Variants in CYP39A1 observed in about 807,000 individuals in gnomAD.
CYP39A1 encodes the protein cytochrome P450 family 39 subfamily A member 1.
A neutral mutation model predicts 58.1 loss-of-function variants in CYP39A1; 49 were observed. That is an observed-to-expected ratio of 0.84 (90% confidence interval 0.67 to 1.07). The LOEUF (loss-of-function observed/expected upper bound fraction) is 1.07. CYP39A1 is among the 50% of genes least tolerant of loss of function. CYP39A1 has a pLI of 0.00. For synonymous variants in CYP39A1, 209 were observed against 187.6 expected, an observed-to-expected ratio of 1.11 and a Z score of -0.93; for missense variants, 531 against 539.4, an observed-to-expected ratio of 0.98 and a Z score of 0.16.
chr6:46,564,100 TA>T (rs1484655312), intron 10 of CYP39A1, among the ~76,000 whole-genome samples: 2 of 143,696 alleles, frequency 1.4e-5, no homozygotes, highest in African/African-American at 5.8e-5. Flanking sequence ...TTTTATTTTG[TA>T]TTTTTTTTAT....
intron 7 of CYP39A1, among the ~76,000 whole-genome samples, chr6:46,604,079 C>T (rs867281144): frequency 6.6e-6 from 1 of 152,072 alleles, no homozygotes; most frequent in Non-Finnish European, 1.5e-5. Flanking sequence ...AAATTTCTTT[C>T]CCTGAGAGGT....
chr6:46,605,799 T>C (rs77103886), intron 7 of CYP39A1, among the ~76,000 whole-genome samples: 84 of 152,322 alleles, frequency 5.5e-4, no homozygotes, highest in African/African-American at 2.0e-3. Context: ...AAATTAGCAG[T>C]AGCTTACAAT....
intron 7 of CYP39A1, among the ~76,000 whole-genome samples, chr6:46,599,233 T>C (rs1238860392): frequency 6.6e-6 from 1 of 152,052 alleles, no homozygotes; most frequent in Non-Finnish European, 1.5e-5. Flanking sequence ...GACAGAGAAC[T>C]AAAAGTGGTT....
intron 7 of CYP39A1, among the ~76,000 whole-genome samples, chr6:46,603,074 C>T (rs1773617554): frequency 6.6e-6 from 1 of 152,144 alleles, no homozygotes; most frequent in South Asian, 2.1e-4. Context: ...TTACATGCAG[C>T]CACATATATT....
intron 10 of CYP39A1, among the ~76,000 whole-genome samples, chr6:46,571,466 A>G (rs1771579150): frequency 6.6e-6 from 1 of 152,090 alleles, no homozygotes; most frequent in Admixed American, 6.5e-5. Flanking sequence ...TCCCTTTATC[A>G]TTATATAATG....
intron 1 of CYP39A1, among the ~76,000 whole-genome samples, chr6:46,647,535 A>G (rs1472643911): frequency 6.6e-6 from 1 of 152,208 alleles, no homozygotes; most frequent in Non-Finnish European, 1.5e-5. Context: ...CCACATTTTC[A>G]GAATTTCACA....
chr6:46,648,558 T>C (rs896862797), intron 1 of CYP39A1, among the ~76,000 whole-genome samples: 2 of 148,514 alleles, frequency 1.3e-5, no homozygotes, highest in Admixed American at 6.7e-5. Flanking sequence ...TTAGGAGATA[T>C]ACCTAATATA....
chr6:46,583,130 G>A lies in CYP39A1; in HGVS notation c.1250+3947C>T, dbSNP rs1772242500. On this transcript the variant is annotated intron_variant, in intron 10 of 11. Transcript: ENST00000275016. Reference sequence around the variant, plus strand: ...AGTAAAAATCACACTTTCTATTCCTGAGGAATCCATGCTTCATTTTAACTT... The same window carrying A: ...AGTAAAAATCACACTTTCTATTCCTAAGGAATCCATGCTTCATTTTAACTT... 5 of 985,158 alleles carry A rather than the reference G, an allele frequency of 5.1e-6. No homozygotes were observed. In the South Asian group the frequency reaches 1.4e-4, roughly 28 times the overall value. The allele number at this position is 985,158 out of a possible 1,614,324, so 61.0% of individuals were successfully genotyped here. A position where few individuals can be genotyped will look rare whatever the true frequency, so the allele number is the denominator to read the frequency against.
intron 10 of CYP39A1, among the ~76,000 whole-genome samples, chr6:46,561,748 G>A (rs1448532315): frequency 1.3e-5 from 2 of 152,048 alleles, no homozygotes; most frequent in African/African-American, 4.8e-5. Context: ...ATACTTCCTG[G>A]ATCCCTAAAA....
chr6:46,561,726 G>A (rs2150484080), intron 10 of CYP39A1, among the ~76,000 whole-genome samples: 1 of 152,028 alleles, frequency 6.6e-6, no homozygotes, highest in Admixed American at 6.6e-5. Context: ...ACATATAGGA[G>A]GTATTCAATA....
At chr6:46,599,047 T>C (rs1424182941) in intron 7 of CYP39A1, among the ~76,000 whole-genome samples, 1 of 152,146 alleles carries the variant, frequency 6.6e-6, no homozygotes, top group Non-Finnish European at 1.5e-5. Flanking sequence ...GGAGAAAATT[T>C]AGAGATTGGC....
At chr6:46,630,915 A>C (rs745508498) in intron 6 of CYP39A1, 48 bp downstream of exon 6, 1 of 1,309,934 alleles carries the variant, frequency 7.6e-7, no homozygotes, top group Non-Finnish European at 1.1e-6. Flanking sequence ...AAAAAAGATG[A>C]AAGGACAGTG....
At chr6:46,619,171 A>G (rs1774806351) in intron 7 of CYP39A1, among the ~76,000 whole-genome samples, 1 of 152,206 alleles carries the variant, frequency 6.6e-6, no homozygotes, top group South Asian at 2.1e-4. Flanking sequence ...TTCAGTGCAG[A>G]AAACTGTCAA....
chr6:46,582,689 C>CT (rs147428755), intron 10 of CYP39A1, among the ~76,000 whole-genome samples: 56 of 147,930 alleles, frequency 3.8e-4, no homozygotes, highest in South Asian at 6.5e-4. Context: ...TTAAGTAGGG[C>CT]TTTTTTTTTT....
At chr6:46,592,488 G>A (rs1263060256) in intron 8 of CYP39A1, among the ~76,000 whole-genome samples, 1 of 152,132 alleles carries the variant, frequency 6.6e-6, no homozygotes, top group Non-Finnish European at 1.5e-5. Context: ...AATTAGTAAT[G>A]TATACAAGGA....
Position 46,611,807 on chromosome 6 carries a change from A to G in CYP39A1, c.931+13611T>C, listed in dbSNP as rs529968943. Among the ~76,000 whole-genome samples the G allele has an allele frequency of 1.2e-3, 177 of 152,318 alleles. 1 individual carries two copies. Among genetic ancestry groups the G allele is most frequent in the African/African-American group, 4.0e-3 (166 of 41,578 alleles). ...TTTTGATCTAGAAATACCCTTATGT[A>G]TAAAGCCAGTGTACTGAGTCTGAGT... On this transcript the variant is annotated intron_variant, in intron 7 of 11. Coordinates refer to ENST00000275016, the MANE Select transcript of CYP39A1 (RefSeq NM_016593.5).
chr6:46,606,645 C>T (rs1007647937), intron 7 of CYP39A1, among the ~76,000 whole-genome samples: 2 of 152,098 alleles, frequency 1.3e-5, no homozygotes, highest in African/African-American at 4.8e-5. Context: ...TAACTCTTGG[C>T]ATAAACATGA....
At chr6:46,604,718 G>A (rs1247872307) in intron 7 of CYP39A1, among the ~76,000 whole-genome samples, 1 of 152,094 alleles carries the variant, frequency 6.6e-6, no homozygotes, top group African/African-American at 2.4e-5. Context: ...AGGTTATATG[G>A]CACCCATTTT....
chr6:46,636,171 C>T (rs544603680), intron 5 of CYP39A1, among the ~76,000 whole-genome samples: 1 of 152,108 alleles, frequency 6.6e-6, no homozygotes, highest in South Asian at 2.1e-4. Flanking sequence ...TTTTTTTGCT[C>T]GTTGTCTCTG....
Sources: gnomAD v4.1 joint callset for allele counts (sites outside exome capture counted in the v4.1 genomes callset) on GRCh38, gnomAD v4.1.1 for gene constraint, MANE v1.5 for transcripts, NCBI Gene and HGNC (gene_info 2026-07-23, HGNC 2026-07-21) for gene names.